MLPH: variants seen among roughly 807,000 people sequenced by gnomAD.
The protein encoded by MLPH is melanophilin, also known as exophilin-3.
Under a neutral mutation model 72.1 loss-of-function variants are expected in MLPH, and 51 were observed. That is an observed-to-expected ratio of 0.71 (90% CI 0.56 to 0.89). The LOEUF (loss-of-function observed/expected upper bound fraction) is 0.89. MLPH is among the 40% of genes least tolerant of loss of function. The pLI is 0.00. For synonymous variants in MLPH, 301 were observed against 310.1 expected (o/e 0.97, Z 0.31); for missense variants, 743 against 759.9 (o/e 0.98, Z 0.26).
rs1027295843 is a variant in MLPH at position 237,546,762 on chromosome 2, C to T, written c.1617+79C>T. 1.6e-5 allele frequency: 19 copies of T among 1,209,558 alleles called. No individual in the cohort carries two copies. The African/African-American group carries it at 2.8e-4, about 18-fold the overall frequency. The allele number at this position is 1,209,558 out of a possible 1,614,324, so 74.9% of individuals were successfully genotyped here. A position where few individuals can be genotyped will look rare whatever the true frequency, so the allele number is the denominator to read the frequency against. On this transcript the variant is annotated intron_variant, in intron 13 of 15. Coordinates refer to ENST00000264605, the MANE Select transcript of MLPH (RefSeq NM_024101.7). ...CCCCTTTCCAGCAGTGTGGCAAGTC[C>T]ACGGGGTGGCAGAGATGCAATGTCC...
At chr2:237,523,502 C>T (rs1315030782) in intron 6 of MLPH, among the ~76,000 whole-genome samples, 3 of 152,174 alleles carry the variant, frequency 2.0e-5, no homozygotes, top group South Asian at 2.1e-4. Context: ...CTCTTGCATA[C>T]TTTCTCCATA....
At position 237,554,123 on chromosome 2, in the gene MLPH, G is replaced by A. The variant is rs1559384732; in HGVS notation, c.*531G>A. 7.5e-6 allele frequency: 2 copies of A among 267,820 alleles called. No homozygotes were observed. Among genetic ancestry groups the A allele is most frequent in the Non-Finnish European group, 1.5e-5 (2 of 136,418 alleles). The allele number at this position is 267,820 out of a possible 1,614,324, so 16.6% of individuals were successfully genotyped here. ...TAATGATCTGCTGAATAATGAAGGAGGAATAGACACCCCAGTCCCCACCCT... is the reference window on the plus strand; with the variant it reads ...TAATGATCTGCTGAATAATGAAGGAAGAATAGACACCCCAGTCCCCACCCT... On this transcript the variant is annotated 3_prime_UTR_variant, in exon 16 of 16. Transcript: ENST00000264605.
chr2:237,525,944 C>T (rs1242657919), intron 7 of MLPH, 139 bp downstream of exon 7: 5 of 865,790 alleles, frequency 5.8e-6, no homozygotes, highest in South Asian at 1.5e-5. Context: ...TTGTCCGGGA[C>T]GTGCAGTCCC....
chr2:237,513,767 G>A (rs566751466), intron 4 of MLPH, among the ~76,000 whole-genome samples: 1 of 152,052 alleles, frequency 6.6e-6, no homozygotes, highest in Non-Finnish European at 1.5e-5. Flanking sequence ...CGCATCCCTG[G>A]GTGCAGGGGG....
Position 237,525,026 on chromosome 2 carries a change from C to T in MLPH, c.676-575C>T, listed in dbSNP as rs189648585. On this transcript the variant is annotated intron_variant, in intron 6 of 15. Coordinates refer to ENST00000264605, the MANE Select transcript of MLPH (RefSeq NM_024101.7). ...TCCTCTGGCCTCCACCCCCCACTCA[C>T]AGTCAAACTGGAAGGGCGCTGTGGC... 1.1e-3 allele frequency among the ~76,000 whole-genome samples: 163 copies of T among 152,356 alleles called. 1 individual carries two copies. Among genetic ancestry groups the T allele is most frequent in the Non-Finnish European group, 1.2e-4 (8 of 68,034 alleles).
intron 2 of MLPH, among the ~76,000 whole-genome samples, chr2:237,504,222 A>G (rs998586348): frequency 6.6e-6 from 1 of 151,710 alleles, no homozygotes; most frequent in African/African-American, 2.4e-5. Flanking sequence ...ATTTTATTTT[A>G]TTTTGTTTTT....
rs1410056128 is a variant in MLPH at position 237,512,902 on chromosome 2, C to CA, written c.445+1805dup. Among the ~76,000 whole-genome samples the CA allele has an allele frequency of 6.6e-6, 1 of 151,900 alleles. No homozygotes were observed. The highest frequency in any genetic ancestry group is 2.4e-5 in the African/African-American group (1 of 41,306). On this transcript the variant is annotated intron_variant, in intron 4 of 15. Transcript: ENST00000264605. This position sits in a 1 kb window ranked among gnomAD's most constrained non-coding sequence, Gnocchi z 5.5. ...ACGGCCCACCAGAACCTGCTGACTT[C>CA]AAAATCATCACCACCAAGGGGCCAG... is the stretch of plus-strand genomic sequence containing the variant.
chr2:237,501,422 T>A (rs1255558114), intron 2 of MLPH, among the ~76,000 whole-genome samples: 1 of 135,214 alleles, frequency 7.4e-6, no homozygotes, highest in Non-Finnish European at 1.5e-5. Flanking sequence ...ACTTTTAGCA[T>A]TCGCGGGTCT....
chr2:237,539,925 C>A (rs914790748), intron 9 of MLPH, among the ~76,000 whole-genome samples: 2 of 152,148 alleles, frequency 1.3e-5, no homozygotes. Flanking sequence ...TGGGAAGAGC[C>A]CAGCCCCTGA....
intron 7 of MLPH, among the ~76,000 whole-genome samples, chr2:237,526,124 C>T (rs2080299985): frequency 6.6e-6 from 1 of 152,228 alleles, no homozygotes; most frequent in Non-Finnish European, 1.5e-5. Context: ...ACCGGCCAAC[C>T]ATCCTGGTCT....
In MLPH at chr2:237,545,477, G is replaced by C. The variant is rs1414926620; in HGVS notation, c.1540-1129G>C. 5.4e-6 allele frequency: 7 copies of C among 1,288,760 alleles called. No individual in the cohort carries two copies. In the South Asian group the frequency reaches 8.6e-5, roughly 16 times the overall value. The allele number at this position is 1,288,760 out of a possible 1,614,324, so 79.8% of individuals were successfully genotyped here. ...AAAAGGCTCTTTATGAGGGGACTCT[G>C]AGCCTCTGCTCTGAGGATCTGAAAC... is the stretch of plus-strand genomic sequence containing the variant. On this transcript the variant is annotated intron_variant, in intron 12 of 15. Transcript: ENST00000264605.
At chr2:237,494,803 C>T (rs781275043) in intron 2 of MLPH, among the ~76,000 whole-genome samples, 10 of 152,148 alleles carry the variant, frequency 6.6e-5, no homozygotes, top group Non-Finnish European at 1.3e-4. Context: ...AGAGGAGATG[C>T]GTTACGAGAG....
chr2:237,503,265 C>T (rs2079691480), intron 2 of MLPH, among the ~76,000 whole-genome samples: 1 of 152,148 alleles, frequency 6.6e-6, no homozygotes, highest in South Asian at 2.1e-4. Flanking sequence ...ACTCCGCTGC[C>T]AAGGCAGGGC....
intron 2 of MLPH, among the ~76,000 whole-genome samples, chr2:237,509,265 G>A (rs1404560780): frequency 1.3e-5 from 2 of 152,180 alleles, no homozygotes; most frequent in Non-Finnish European, 2.9e-5. Context: ...TGCTGCCCCA[G>A]GACACTTCTG....
At position 237,513,890 on chromosome 2, in the gene MLPH, G is replaced by A. The variant is rs138241321; in HGVS notation, c.445+2789G>A. On this transcript the variant is annotated intron_variant, in intron 4 of 15. Coordinates refer to ENST00000264605, the MANE Select transcript of MLPH (RefSeq NM_024101.7). ...CTCTCTGGCTCTGTCATCTGGGCAC[G>A]TTCGGAGCCAAAAGCCTTGACCTTC... Among the ~76,000 whole-genome samples the A allele has an allele frequency of 5.2e-3, 796 of 152,276 alleles. 6 individuals are homozygous for A. Among genetic ancestry groups the A allele is most frequent in the African/African-American group, 0.018 (762 of 41,554 alleles).
intron 8 of MLPH, among the ~76,000 whole-genome samples, chr2:237,531,046 G>A (rs996639820): frequency 6.6e-6 from 1 of 152,152 alleles, no homozygotes; most frequent in African/African-American, 2.4e-5. Flanking sequence ...GTGGAGTATC[G>A]GCTGCAAGTA....
At chr2:237,521,086 T>C (rs2080172336) in intron 6 of MLPH, among the ~76,000 whole-genome samples, 2 of 152,204 alleles carry the variant, frequency 1.3e-5, no homozygotes, top group Admixed American at 1.3e-4. Context: ...CTGTTGGTGA[T>C]GAGGAATCCA....
chr2:237,551,353 T>G (rs7595722), intron 14 of MLPH, among the ~76,000 whole-genome samples: 16,884 of 152,288 alleles, frequency 0.11, 3,148 homozygotes, highest in African/African-American at 0.38. Flanking sequence ...AAGGACAAAG[T>G]CCTGGCCTGT....
Position 237,546,874 on chromosome 2 carries a change from TGA to T in MLPH, c.1617+193_1617+194del, listed in dbSNP as rs559057178. Among the ~76,000 whole-genome samples the T allele has an allele frequency of 4.6e-3, 702 of 152,308 alleles. 6 individuals carry two copies. The highest frequency in any genetic ancestry group is 0.016 in the African/African-American group (679 of 41,560). On this transcript the variant is annotated intron_variant, in intron 13 of 15. Transcript: ENST00000264605. ...GTTGGCTTCCTCCGTGGCACACACC[TGA>T]GCTGGATTTGTGTAGATGCATTTGT...
Sources: gnomAD v4.1 joint callset for allele counts (sites outside exome capture counted in the v4.1 genomes callset) on GRCh38, gnomAD v4.1.1 for gene constraint, Gnocchi (gnomAD v3.1) non-coding constraint, MANE v1.5 for transcripts, NCBI Gene and HGNC (gene_info 2026-07-23, HGNC 2026-07-21) for gene names.